MISFA: variants seen among roughly 807,000 people sequenced by gnomAD.
The protein encoded by MISFA is mitochondrial sheath formation associated.
At chr11:18,609,782 A>G in the MISFA span, 1 of 1,282,260 alleles carries the variant, frequency 7.8e-7, no homozygotes, top group Non-Finnish European at 1.1e-6. Context: ...CTAAAATGAT[A>G]AGGGGGCTTC....
the MISFA span, chr11:18,606,666 C>G: frequency 5.0e-6 from 2 of 398,008 alleles, no homozygotes; most frequent in Admixed American, 7.8e-5. Flanking sequence ...AAATAGTAGT[C>G]TAATATATTC....
the MISFA span, among the ~76,000 whole-genome samples, chr11:18,605,054 C>A: frequency 2.4e-4 from 36 of 152,078 alleles, no homozygotes; most frequent in Non-Finnish European, 1.2e-4. Context: ...ACCCGCTTGG[C>A]CAACATGGTG....
the MISFA span, chr11:18,603,949 CAG>C: frequency 5.6e-6 from 1 of 177,088 alleles, no homozygotes; most frequent in Admixed American, 1.4e-4. Context: ...TTTTTTGAGA[CAG>C]AGTCTCGCTG....
At chr11:18,605,255 A>G in the MISFA span, among the ~76,000 whole-genome samples, 1 of 152,066 alleles carries the variant, frequency 6.6e-6, no homozygotes, top group Non-Finnish European at 1.5e-5. Flanking sequence ...GAAAAAAAAA[A>G]AGAGAAAAGA....
chr11:18,601,139 A>G, the MISFA span: 1 of 398,632 alleles, frequency 2.5e-6, no homozygotes, highest in East Asian at 3.6e-5. Flanking sequence ...AGGAGAGCAA[A>G]ACACAACTGA....
chr11:18,607,926 C>T, the MISFA span: 6 of 152,082 alleles, frequency 3.9e-5, no homozygotes, highest in East Asian at 9.6e-4. Flanking sequence ...TTTAAGCCAC[C>T]AGAAATCTTT....
At chr11:18,603,125 T>A in the MISFA span, 1 of 399,004 alleles carries the variant, frequency 2.5e-6, no homozygotes, top group African/African-American at 2.1e-5. Flanking sequence ...AGCCTCATGA[T>A]GATTGTTGTC....
At chr11:18,604,525 T>C in the MISFA span, among the ~76,000 whole-genome samples, 1 of 151,260 alleles carries the variant, frequency 6.6e-6, no homozygotes, top group Admixed American at 6.6e-5. Context: ...GGGCGTGGTG[T>C]GGTGGCACGT....
At chr11:18,602,910 G>T in the MISFA span, 2 of 380,404 alleles carry the variant, frequency 5.3e-6, no homozygotes, top group Non-Finnish European at 9.3e-6. Context: ...GGTTACAGGA[G>T]CTGATATCAT....
chr11:18,601,230 A>G, the MISFA span: 617 of 398,568 alleles, frequency 1.5e-3, 1 homozygote, highest in African/African-American at 0.011. Flanking sequence ...TTTCCAAAGT[A>G]CTTGGTAGCA....
chr11:18,602,543 A>G, the MISFA span: 1 of 152,636 alleles, frequency 6.6e-6, no homozygotes, highest in South Asian at 2.1e-4. Context: ...CCTTCTCAGG[A>G]AAGTTGTAAA....
chr11:18,606,099 A>T, the MISFA span, among the ~76,000 whole-genome samples: 1 of 152,190 alleles, frequency 6.6e-6, no homozygotes, highest in Admixed American at 6.5e-5. Flanking sequence ...TCCTCCCTCC[A>T]TTTGAGTAAA....
chr11:18,605,860 TAG>T, the MISFA span, among the ~76,000 whole-genome samples: 4 of 152,180 alleles, frequency 2.6e-5, no homozygotes, highest in Non-Finnish European at 5.9e-5. Context: ...GTATTTTTAG[TAG>T]AGACGGAGTT....
chr11:18,609,688 A>C, the MISFA span: 1 of 619,534 alleles, frequency 1.6e-6, no homozygotes, highest in Non-Finnish European at 2.8e-6. Flanking sequence ...TCACCCTGGA[A>C]AATATCTGAA....
chr11:18,607,160 G>A, the MISFA span: 1 of 164,380 alleles, frequency 6.1e-6, no homozygotes, highest in South Asian at 1.6e-4. Flanking sequence ...ACCATGCCCG[G>A]CCAGACTTAC....
At chr11:18,604,997 C>T in the MISFA span, among the ~76,000 whole-genome samples, 1 of 152,178 alleles carries the variant, frequency 6.6e-6, no homozygotes, top group Non-Finnish European at 1.5e-5. Flanking sequence ...AATCCCAGCA[C>T]TTTGGGAGGC....
chr11:18,605,657 T>C, the MISFA span, among the ~76,000 whole-genome samples: 5 of 152,196 alleles, frequency 3.3e-5, no homozygotes, highest in African/African-American at 1.2e-4. Context: ...GTTAAGTACT[T>C]ACATCCTCTG....
chr11:18,599,963 TTG>T, the MISFA span: 1 of 399,008 alleles, frequency 2.5e-6, no homozygotes. Flanking sequence ...TTTGTTGGAC[TTG>T]TGTGTTACAT....
At chr11:18,599,812 A>G in the MISFA span, 46 of 394,684 alleles carry the variant, frequency 1.2e-4, no homozygotes, top group Non-Finnish European at 1.8e-4. Flanking sequence ...AAAGACTCGA[A>G]CAGACATGCG....
Sources: gnomAD v4.1 joint callset for allele counts (sites outside exome capture counted in the v4.1 genomes callset) on GRCh38, gnomAD v4.1.1 for gene constraint, MANE v1.5 for transcripts, NCBI Gene and HGNC (gene_info 2026-07-23, HGNC 2026-07-21) for gene names.